The following CELF2 variants were observed in gnomAD, a reference collection of about 807,000 sequenced individuals.
CELF2 encodes the protein CUG triplet repeat RNA-binding protein 2.
Under a neutral mutation model 62.6 loss-of-function variants are expected in CELF2, and 8 were observed. The ratio of observed to expected loss-of-function variants is 0.13; its 90% confidence interval spans 0.07 to 0.23. The LOEUF is 0.23. Ranked by LOEUF, CELF2 falls within the 10% of genes least tolerant of loss-of-function variation. CELF2 has a pLI of 1.00. For missense variants in CELF2, 333 were observed against 671.0 expected (o/e 0.50, Z 5.56); for synonymous variants, 258 against 250.0 (o/e 1.03, Z -0.30).
the CELF2 span, among the ~76,000 whole-genome samples, chr10:10,583,120 A>C: frequency 6.6e-6 from 1 of 152,204 alleles, no homozygotes; most frequent in Non-Finnish European, 1.5e-5. Flanking sequence ...CAAATATTCG[A>C]AGGCCTTGCA....
intron 2 of CELF2, among the ~76,000 whole-genome samples, chr10:11,170,614 C>A (rs1482926301): frequency 6.6e-6 from 1 of 151,946 alleles, no homozygotes; most frequent in Non-Finnish European, 1.5e-5. Context: ...CTAGGAAGTT[C>A]TCTCGGAGGT....
intron 1 of CELF2, among the ~76,000 whole-genome samples, chr10:11,066,975 G>A (rs1485483209): frequency 2.0e-5 from 3 of 152,178 alleles, no homozygotes; most frequent in African/African-American, 7.2e-5. Flanking sequence ...CTGTCATGTG[G>A]CATGATAGAA....
chr10:10,729,786 A>G, the CELF2 span, among the ~76,000 whole-genome samples: 3 of 152,164 alleles, frequency 2.0e-5, no homozygotes, highest in East Asian at 1.9e-4. Flanking sequence ...CAAAAAAAAA[A>G]AAGTTGGTCT....
the CELF2 span, among the ~76,000 whole-genome samples, chr10:10,553,551 GAC>G: frequency 1.1e-4 from 16 of 152,278 alleles, no homozygotes; most frequent in Non-Finnish European, 2.2e-4. Flanking sequence ...GCCAGAGAGA[GAC>G]AGACAAAGAG....
At chr10:11,189,037 T>C (rs1588644557) in intron 2 of CELF2, among the ~76,000 whole-genome samples, 1 of 152,192 alleles carries the variant, frequency 6.6e-6, no homozygotes, top group East Asian at 1.9e-4. Flanking sequence ...TAAATAACTT[T>C]TTTGAGTCCT....
At chr10:11,253,017 G>A (rs1255385449) in intron 4 of CELF2, among the ~76,000 whole-genome samples, 2 of 151,914 alleles carry the variant, frequency 1.3e-5, no homozygotes, top group Admixed American at 1.3e-4. Flanking sequence ...CTCTATTGCT[G>A]TGCCCAACGA....
intron 2 of CELF2, among the ~76,000 whole-genome samples, chr10:11,186,135 A>G (rs1434911538): frequency 6.6e-6 from 1 of 151,978 alleles, no homozygotes; most frequent in Non-Finnish European, 1.5e-5. Context: ...ATCCCTTAAT[A>G]TCCTTCTAAT....
rs748864318 is a variant in CELF2 at position 11,254,398 on chromosome 10, C to T, written c.404-3340C>T. On this transcript the variant is annotated intron_variant, in intron 4 of 12. Coordinates refer to ENST00000633077, the MANE Select transcript of CELF2 (RefSeq NM_001326342.2). ...CAGATGGAAGTTAACATTTTGATAA[C>T]GTGGATGATGGAGGTTTCCATTTTT... Among the ~76,000 whole-genome samples the T allele has an allele frequency of 7.9e-5, 12 of 152,330 alleles. No homozygotes were observed. The South Asian group carries it at 8.3e-4, about 11-fold the overall frequency.
chr10:10,653,783 C>T, the CELF2 span, among the ~76,000 whole-genome samples: 2 of 148,084 alleles, frequency 1.4e-5, no homozygotes, highest in Non-Finnish European at 3.0e-5. Context: ...CCAAAATTGA[C>T]ACCCTAACAT....
rs2095421447 is a variant in CELF2, at chr10:11,321,177, T to A, written c.1097-12T>A. The A allele has an allele frequency of 6.2e-7, 1 of 1,613,708 alleles. No individual in the cohort carries two copies. Among genetic ancestry groups the A allele is most frequent in the Non-Finnish European group, 8.5e-7 (1 of 1,179,776 alleles). ...GCTGTTTCTCTTCTCTATTGTTGGG[T>A]TTTTTGTAAAGTTGCTCAAATGCTC... On this transcript the variant is annotated splice_polypyrimidine_tract_variant and intron_variant, in intron 10 of 12. Transcript: ENST00000633077. This position sits in a 1 kb window ranked among gnomAD's most constrained non-coding sequence, Gnocchi z 6.2.
chr10:11,050,346 A>G (rs1041927430), intron 1 of CELF2, among the ~76,000 whole-genome samples: 5 of 152,230 alleles, frequency 3.3e-5, no homozygotes, highest in South Asian at 4.1e-4. Flanking sequence ...TCATTAAACT[A>G]CATTGTCTGG....
At chr10:10,789,340 A>G in the CELF2 span, among the ~76,000 whole-genome samples, 12 of 152,214 alleles carry the variant, frequency 7.9e-5, no homozygotes, top group Non-Finnish European at 1.8e-4. Context: ...TGATTGTTTC[A>G]TAATATCCAG....
rs2095926541 is a variant in CELF2, at chr10:11,329,366, A to C, written c.*313A>C. The C allele has an allele frequency of 5.8e-6, 1 of 171,864 alleles. No homozygotes were observed. The highest frequency in any genetic ancestry group is 1.2e-5 in the Non-Finnish European group (1 of 80,940). 10.6% of individuals were successfully genotyped at this position (171,864 alleles called of 1,614,324 possible). ...TTTTTTTCATTTTTGCTTTTTTTTA[A>C]AGAGAAGCATATACACAAATAAATG... On this transcript the variant is annotated 3_prime_UTR_variant, in exon 13 of 13. Coordinates refer to ENST00000633077, the MANE Select transcript of CELF2 (RefSeq NM_001326342.2). The surrounding 1 kb of genome is among the most constrained non-coding windows in gnomAD (Gnocchi z 5.5).
Position 11,310,732 on chromosome 10 carries a change from C to T in CELF2, c.977-3407C>T, listed in dbSNP as rs147338539. Among the ~76,000 whole-genome samples the T allele has an allele frequency of 2.6e-5, 4 of 151,954 alleles. No homozygotes were observed. In the East Asian group the frequency reaches 7.7e-4, roughly 29 times the overall value. ...ATTACATGTAGACTGGCATCGGATG[C>T]AGTCCCTAGAAAATACCCCAAATAG... On this transcript the variant is annotated intron_variant, in intron 9 of 12. Transcript: ENST00000633077.
chr10:10,719,434 G>T, the CELF2 span, among the ~76,000 whole-genome samples: 43 of 151,928 alleles, frequency 2.8e-4, no homozygotes, highest in Non-Finnish European at 3.8e-4. Context: ...AATTTTTTTT[G>T]TTGTTGTTTT....
upstream of CELF2, among the ~76,000 whole-genome samples, chr10:10,795,389 T>C (rs1386190429): frequency 6.6e-6 from 1 of 152,150 alleles, no homozygotes; most frequent in East Asian, 1.9e-4. Context: ...CTCTTACAAT[T>C]TATAGAGTGA....
intron 1 of CELF2, among the ~76,000 whole-genome samples, chr10:11,044,704 C>G (rs2062497209): frequency 6.6e-6 from 1 of 151,994 alleles, no homozygotes; most frequent in Non-Finnish European, 1.5e-5. Context: ...ATTACAATAC[C>G]CTAGGATATA....
At chr10:10,902,757 T>C (rs1347171762) in intron 1 of CELF2, among the ~76,000 whole-genome samples, 1 of 150,178 alleles carries the variant, frequency 6.7e-6, no homozygotes, top group African/African-American at 2.5e-5. Flanking sequence ...TACACCTTAG[T>C]AAAGCTCAGG....
At chr10:10,900,927 T>C (rs956315920) in intron 1 of CELF2, among the ~76,000 whole-genome samples, 4 of 152,366 alleles carry the variant, frequency 2.6e-5, no homozygotes, top group Middle Eastern at 3.4e-3. Context: ...TTCTGTACAC[T>C]GTACCTGTTA....
Sources: allele counts gnomAD v4.1 joint callset (sites outside exome capture counted in the v4.1 genomes callset), GRCh38; gene constraint gnomAD v4.1.1; non-coding constraint Gnocchi (gnomAD v3.1); transcripts MANE v1.5; gene names NCBI Gene and HGNC (gene_info 2026-07-23, HGNC 2026-07-21).